Variants in HOXC6 observed in about 807,000 individuals in gnomAD.
The protein encoded by HOXC6 is homeobox protein Hox-C6.
HOXC6 carries 10 observed loss-of-function variants against 24.0 expected under a neutral mutation model. The observed-to-expected ratio is 0.42, with a 90% CI of 0.26 to 0.71. HOXC6 has a LOEUF of 0.71. Among genes scored for constraint, HOXC6 ranks in the 30% least tolerant of loss-of-function variants. HOXC6 has a pLI of 0.28. For missense variants in HOXC6, 258 were observed against 303.4 expected (o/e 0.85, Z 1.11); for synonymous variants, 123 against 128.1 (o/e 0.96, Z 0.27).
At chr12:54,029,621 T>C (rs1940903615) in intron 1 of HOXC6, 34 bp from the exon 2 acceptor site, 1 of 1,593,944 alleles carries the variant, frequency 6.3e-7, no homozygotes, top group Non-Finnish European at 8.6e-7. Context: ...GCTTTGCTGA[T>C]TGCTTTTAGT....
intron 1 of HOXC6, among the ~76,000 whole-genome samples, chr12:54,019,254 A>G (rs1309036308): frequency 8.0e-6 from 1 of 124,882 alleles, no homozygotes; most frequent in Non-Finnish European, 1.6e-5. Context: ...CTTGTTTACG[A>G]TCGAGAAAAG....
At position 54,030,656 on chromosome 12, in the gene HOXC6, AAG is replaced by A. The variant is rs1940951996; in HGVS notation, c.*697_*698del. The A allele has an allele frequency of 1.3e-5, 2 of 152,694 alleles. No individual in the cohort carries two copies. The highest frequency in any genetic ancestry group is 4.8e-5 in the African/African-American group (2 of 41,468). The allele number at this position is 152,694 out of a possible 1,614,324, so 9.5% of individuals were successfully genotyped here. On this transcript the variant is annotated 3_prime_UTR_variant, in exon 2 of 2. Coordinates refer to ENST00000243108, the MANE Select transcript of HOXC6 (RefSeq NM_004503.4). ...TATCCAATTTCAAAAAAGGAAAAAA[AAG>A]AGGGAAAATTACAAAAAGAGAGAAA...
chr12:54,021,510 A>G (rs1385375813), intron 1 of HOXC6: 4 of 152,194 alleles, frequency 2.6e-5, no homozygotes, highest in Non-Finnish European at 5.9e-5. Flanking sequence ...GGAAATATCA[A>G]TGTCAGTGGA....
Position 54,030,155 on chromosome 12 carries a change from A to G in HOXC6, c.*193A>G, listed in dbSNP as rs1940928087. ...CCTCACCGCACAACTCTCTTTCACC[A>G]CGCGCCTCCTCCTCCTCGCTCCCTT... is the stretch of plus-strand genomic sequence containing the variant. On this transcript the variant is annotated 3_prime_UTR_variant, in exon 2 of 2. Transcript: ENST00000243108. 1 of 545,332 alleles carries G rather than the reference A, an allele frequency of 1.8e-6. No homozygotes were observed. Among genetic ancestry groups the G allele is most frequent in the African/African-American group, 1.9e-5 (1 of 53,114 alleles). The allele number at this position is 545,332 out of a possible 1,614,324, so 33.8% of individuals were successfully genotyped here.
At chr12:54,025,073 T>C (rs2077177), upstream of HOXC6, among the ~76,000 whole-genome samples, 69,404 of 151,978 alleles carry the variant, frequency 0.46, 16,185 homozygotes, top group East Asian at 0.64. Context: ...GCCAGAGCAG[T>C]AGCAAGGAGA....
At chr12:54,021,918 A>C (rs1940466817) in intron 1 of HOXC6, 2 of 152,390 alleles carry the variant, frequency 1.3e-5, no homozygotes, top group Non-Finnish European at 2.9e-5. Flanking sequence ...CCTTTCCAGC[A>C]ACCCCCTCCT....
Position 54,028,640 on chromosome 12 carries a change from A to T in HOXC6, c.119A>T (p.Tyr40Phe), listed in dbSNP as rs937430830. 1 of 1,613,958 alleles carries T rather than the reference A, an allele frequency of 6.2e-7. No homozygotes were observed. The highest frequency in any genetic ancestry group is 8.5e-7 in the Non-Finnish European group (1 of 1,179,976). ...GATCCAGTGAGGCATTTCTCGACCT[A>T]TGGAGCGGCCGTTGCCCAGAACCGG... The part of the protein sequence containing the change: ...AYDPVRHFST[Y>F]GAAVAQNRIY... Residue 40 changes from tyrosine (Y) to phenylalanine (F), a missense_variant, in exon 1 of 2, where the codon TAT becomes TTT. Tyr to Phe is a conservative substitution (Grantham distance 22). Transcript: ENST00000243108.
Position 54,029,750 on chromosome 12 carries a change from C to G in HOXC6, c.496C>G (p.Leu166Val). 2 of 1,614,220 alleles carry G rather than the reference C, an allele frequency of 1.2e-6. No homozygotes were observed. Among genetic ancestry groups the G allele is most frequent in the Non-Finnish European group, 1.7e-6 (2 of 1,180,038 alleles). ...GAAGGAATTTCACTTCAATCGCTACCTAACGCGGCGCCGGCGCATCGAGAT... is the reference window on the plus strand; with the variant it reads ...GAAGGAATTTCACTTCAATCGCTACGTAACGCGGCGCCGGCGCATCGAGAT... ...LEKEFHFNRY[L>V]TRRRRIEIAN... The change falls in exon 2 of 2, where the codon CTA (leucine) becomes GTA (valine). Residue 166 changes from leucine (L) to valine (V), a missense_variant. By Grantham distance (32) the Leu-to-Val change is conservative. Transcript: ENST00000243108.
At chr12:54,029,129 T>C (rs574940018) in intron 1 of HOXC6, among the ~76,000 whole-genome samples, 2 of 150,080 alleles carry the variant, frequency 1.3e-5, no homozygotes, top group African/African-American at 2.5e-5. Context: ...CCCTGACGGA[T>C]TGGAGGGCCC....
chr12:54,023,582 C>A (rs1940544822), upstream of HOXC6, among the ~76,000 whole-genome samples: 1 of 152,224 alleles, frequency 6.6e-6, no homozygotes. Context: ...CAGTTCTCAG[C>A]AGCTTAACAT....
At chr12:54,023,661 G>A (rs529860691), upstream of HOXC6, among the ~76,000 whole-genome samples, 3 of 152,168 alleles carry the variant, frequency 2.0e-5, no homozygotes, top group African/African-American at 4.8e-5. Flanking sequence ...TGGTCAGCCC[G>A]GGCCCTGTCC....
At position 54,030,098 on chromosome 12, in the gene HOXC6, C is replaced by A; in HGVS notation, c.*136C>A. 1 of 884,540 alleles carries A rather than the reference C, an allele frequency of 1.1e-6. No individual in the cohort carries two copies. Among genetic ancestry groups the A allele is most frequent in the Non-Finnish European group, 1.7e-6 (1 of 598,008 alleles). The allele number at this position is 884,540 out of a possible 1,614,324, so 54.8% of individuals were successfully genotyped here. The stretch of plus-strand genomic sequence containing the variant: ...CCTAAAACAAAATTAGGGAGTCAAA[C>A]GTGGACCTGAAAGTCAGCTCTGGAC... On this transcript the variant is annotated 3_prime_UTR_variant, in exon 2 of 2. Transcript: ENST00000243108.
At chr12:54,026,157 C>T (rs1366044191), upstream of HOXC6, among the ~76,000 whole-genome samples, 1 of 152,138 alleles carries the variant, frequency 6.6e-6, no homozygotes, top group Non-Finnish European at 1.5e-5. Flanking sequence ...CTTCCGGCCT[C>T]TTCTACTTGT....
upstream of HOXC6, among the ~76,000 whole-genome samples, chr12:54,025,536 G>C (rs1401744868): frequency 1.8e-5 from 1 of 55,404 alleles, no homozygotes; most frequent in Non-Finnish European, 6.2e-5. Flanking sequence ...TTGGGGGGGG[G>C]GGAGGTGTTG....
Position 54,030,047 on chromosome 12 carries a change from C to A in HOXC6, c.*85C>A. ...CTAATCACACACTCTGTATTTATCA[C>A]TGGCACAATTGATGTGTTTTGATTC... On this transcript the variant is annotated 3_prime_UTR_variant, in exon 2 of 2. Transcript: ENST00000243108. 7.9e-7 allele frequency: 1 copy of A among 1,272,816 alleles called. No homozygotes were observed. The highest frequency in any genetic ancestry group is 1.1e-6 in the Non-Finnish European group (1 of 938,490). The allele number at this position is 1,272,816 out of a possible 1,614,324, so 78.8% of individuals were successfully genotyped here.
chr12:54,029,823 A>G lies in HOXC6; in HGVS notation c.569A>G (p.Gln190Arg). ...LTERQIKIWFQNRRMKWKKES... is the reference protein window; with the variant it reads ...LTERQIKIWFRNRRMKWKKES... ...GAGCGACAGATCAAAATCTGGTTCC[A>G]GAACCGCCGGATGAAGTGGAAAAAA... Residue 190 changes from glutamine to arginine, a missense_variant, in exon 2 of 2, where the codon CAG (glutamine) becomes CGG (arginine). Coordinates refer to ENST00000243108, the MANE Select transcript of HOXC6 (RefSeq NM_004503.4). 1 of 1,614,062 alleles carries G rather than the reference A, an allele frequency of 6.2e-7. No individual in the cohort carries two copies. Among genetic ancestry groups the G allele is most frequent in the Non-Finnish European group, 8.5e-7 (1 of 1,179,990 alleles).
At position 54,028,858 on chromosome 12, in the gene HOXC6, C is replaced by A. The variant is rs747794723; in HGVS notation, c.337C>A (p.Pro113Thr). 7 of 1,613,964 alleles carry A rather than the reference C, an allele frequency of 4.3e-6. No individual in the cohort carries two copies. Among genetic ancestry groups the A allele is most frequent in the Middle Eastern group, 1.6e-4 (1 of 6,062 alleles). Residue 113 changes from proline (P) to threonine (T), a missense_variant, in exon 1 of 2, where the codon CCC (proline) becomes ACC (threonine). Transcript: ENST00000243108. ...TAGTTCTGAGCAGGGCAGGACTGCG[C>A]CCCAGGACCAGAAAGCCAGTATCCA... ...DFSSEQGRTA[P>T]QDQKASIQIY...
chr12:54,025,540 G>GC (rs1444353327), upstream of HOXC6, among the ~76,000 whole-genome samples: 17 of 17,458 alleles, frequency 9.7e-4, no homozygotes, highest in Admixed American at 1.4e-3. Context: ...GGGGGGGGGA[G>GC]GTGTTGAAAA....
At chr12:54,019,689 GC>G (rs1260636687) in intron 1 of HOXC6, among the ~76,000 whole-genome samples, 1 of 152,124 alleles carries the variant, frequency 6.6e-6, no homozygotes, top group Non-Finnish European at 1.5e-5. Context: ...CGAGGGGCGG[GC>G]CTGGGCGAGG....
Sources: allele counts gnomAD v4.1 joint callset (sites outside exome capture counted in the v4.1 genomes callset), GRCh38; gene constraint gnomAD v4.1.1; transcripts MANE v1.5; gene names NCBI Gene and HGNC (gene_info 2026-07-23, HGNC 2026-07-21).